The following ESRRG variants were observed in gnomAD, a reference collection of about 807,000 sequenced individuals.
The protein encoded by ESRRG is estrogen related receptor gamma.
In ESRRG, 13 loss-of-function variants were observed where a neutral mutation model predicts 44.0. The observed-to-expected ratio is 0.30, with a 90% CI of 0.19 to 0.47. The LOEUF is 0.47. Among genes scored for constraint, ESRRG ranks in the 20% least tolerant of loss-of-function variants. The pLI is 1.00. For synonymous variants in ESRRG, 215 were observed against 214.6 expected, an observed-to-expected ratio of 1.00 and a Z score of -0.02; for missense variants, 395 against 580.6, an observed-to-expected ratio of 0.68 and a Z score of 3.29.
rs1251334274 is a variant in ESRRG at position 216,821,687 on chromosome 1, G to GAAAAAA, written c.-14+117894_-14+117895insTTTTTT. ...GCGACAGAACAAGAACCTGCCTCAG[G>GAAAAAA]AAAAATAAATAAATAAATAAATAAA... On this transcript the variant is annotated intron_variant, in intron 2 of 7. Coordinates refer to the ESRRG transcript ENST00000359162. 2.8e-4 allele frequency among the ~76,000 whole-genome samples: 15 copies of GAAAAAA among 54,214 alleles called. 1 individual carries two copies. The highest frequency in any genetic ancestry group is 7.3e-4 in the East Asian group (2 of 2,724). 35.6% of individuals were successfully genotyped at this position (54,214 alleles called of 152,430 possible). A position where few individuals can be genotyped will look rare whatever the true frequency, so the allele number is the denominator to read the frequency against.
At chr1:217,112,701 C>T (rs933897766) in intron 1 of ESRRG, among the ~76,000 whole-genome samples, 2 of 152,216 alleles carry the variant, frequency 1.3e-5, no homozygotes, top group African/African-American at 2.4e-5. Context: ...AATTGCTTCT[C>T]ATCTCCAGTC....
chr1:217,101,794 T>G (rs1580578087), intron 1 of ESRRG, among the ~76,000 whole-genome samples: 1 of 826 alleles, frequency 1.2e-3, no homozygotes, highest in Non-Finnish European at 0.042. Flanking sequence ...AACATTTTAT[T>G]TTTTTTTTTA....
chr1:217,067,729 CAG>C (rs2089968176), intron 1 of ESRRG, among the ~76,000 whole-genome samples: 1 of 152,108 alleles, frequency 6.6e-6, no homozygotes, highest in South Asian at 2.1e-4. Context: ...AGCTAATACA[CAG>C]AGCTGTATTA....
intron 6 of ESRRG, among the ~76,000 whole-genome samples, chr1:216,517,802 A>T (rs1041138523): frequency 1.4e-4 from 22 of 152,288 alleles, no homozygotes; most frequent in Non-Finnish European, 2.9e-5. Flanking sequence ...ATAAGAAATC[A>T]TATTTTATAA....
intron 2 of ESRRG, among the ~76,000 whole-genome samples, chr1:216,674,760 C>T (rs1169753739): frequency 6.6e-6 from 1 of 151,814 alleles, no homozygotes; most frequent in Non-Finnish European, 1.5e-5. Flanking sequence ...CAGGTGCATG[C>T]CACCATGCTC....
At chr1:216,915,074 C>G (rs1181978329) in intron 2 of ESRRG, among the ~76,000 whole-genome samples, 1 of 152,196 alleles carries the variant, frequency 6.6e-6, no homozygotes, top group African/African-American at 2.4e-5. Flanking sequence ...TCTCCCTCAA[C>G]TCTCCATCAG....
At chr1:216,566,079 A>T (rs1433313352) in intron 4 of ESRRG, among the ~76,000 whole-genome samples, 1 of 152,094 alleles carries the variant, frequency 6.6e-6, no homozygotes, top group Non-Finnish European at 1.5e-5. Context: ...AAGCTTAGAA[A>T]TTCCCATCAT....
chr1:217,112,485 C>G (rs540168137), intron 1 of ESRRG, among the ~76,000 whole-genome samples: 22 of 152,228 alleles, frequency 1.4e-4, no homozygotes, highest in African/African-American at 5.3e-4. Flanking sequence ...CTGTTGCCTA[C>G]AGTAACGTGG....
chr1:216,734,544 T>C (rs893374256), intron 2 of ESRRG, among the ~76,000 whole-genome samples: 5 of 152,146 alleles, frequency 3.3e-5, no homozygotes, highest in African/African-American at 9.7e-5. Flanking sequence ...CCTCTGCCCC[T>C]TCACCTTCCG....
At chr1:216,694,760 T>G (rs573538501) in intron 1 of ESRRG, among the ~76,000 whole-genome samples, 1 of 152,146 alleles carries the variant, frequency 6.6e-6, no homozygotes, top group African/African-American at 2.4e-5. Flanking sequence ...TTTTGCCATA[T>G]TGCCCAGGCT....
chr1:216,714,602 T>C, intron 1 of ESRRG: 2 of 960,892 alleles, frequency 2.1e-6, no homozygotes, highest in Non-Finnish European at 1.2e-6. Flanking sequence ...ATTAAAACCC[T>C]CATAAATGCT....
intron 2 of ESRRG, chr1:216,855,239 A>G (rs2095910323): frequency 6.6e-6 from 1 of 152,200 alleles, no homozygotes; most frequent in East Asian, 1.9e-4. Flanking sequence ...TGGCTTGAAC[A>G]ATAACAGGGC....
intron 2 of ESRRG, among the ~76,000 whole-genome samples, chr1:216,900,552 G>A (rs936498362): frequency 2.6e-5 from 4 of 152,162 alleles, no homozygotes; most frequent in East Asian, 1.9e-4. Context: ...TTAAGGGGGG[G>A]CAAGAATTTT....
intron 2 of ESRRG, among the ~76,000 whole-genome samples, chr1:216,912,569 A>T (rs2149609328): frequency 6.6e-6 from 1 of 152,236 alleles, no homozygotes; most frequent in Admixed American, 6.5e-5. Flanking sequence ...CTCCCCAAAC[A>T]CATTTGTGAT....
chr1:216,776,640 A>G (rs2093627020), intron 2 of ESRRG, among the ~76,000 whole-genome samples: 1 of 152,170 alleles, frequency 6.6e-6, no homozygotes, highest in Non-Finnish European at 1.5e-5. Flanking sequence ...GTATGTTGGC[A>G]TGGACAACAT....
At chr1:216,603,633 A>T (rs1257239634) in intron 3 of ESRRG, among the ~76,000 whole-genome samples, 1 of 152,196 alleles carries the variant, frequency 6.6e-6, no homozygotes, top group East Asian at 1.9e-4. Flanking sequence ...CCCATTAAAG[A>T]AGACAGAAAA....
chr1:216,536,230 C>T (rs1458890411), intron 5 of ESRRG, among the ~76,000 whole-genome samples: 1 of 152,076 alleles, frequency 6.6e-6, no homozygotes. Flanking sequence ...CACCAGTACC[C>T]CCTTCTCCCC....
intron 2 of ESRRG, among the ~76,000 whole-genome samples, chr1:216,751,011 C>T (rs991607850): frequency 3.9e-5 from 6 of 152,100 alleles, no homozygotes; most frequent in East Asian, 1.9e-4. Flanking sequence ...CACTGCTACC[C>T]GCTCTCATCA....
At chr1:216,549,973 T>G (rs2055776869) in intron 5 of ESRRG, among the ~76,000 whole-genome samples, 1 of 152,162 alleles carries the variant, frequency 6.6e-6, no homozygotes, top group Non-Finnish European at 1.5e-5. Flanking sequence ...TGTTGGCATC[T>G]GACTGCAACA....
Sources: allele counts gnomAD v4.1 joint callset (sites outside exome capture counted in the v4.1 genomes callset), GRCh38; gene constraint gnomAD v4.1.1; transcripts MANE v1.5; gene names NCBI Gene and HGNC (gene_info 2026-07-23, HGNC 2026-07-21).